The following COL22A1 variants were observed in gnomAD, a reference collection of about 807,000 sequenced individuals.
COL22A1 encodes the protein collagen type XXII alpha 1 chain, also known as collagen alpha-1(XXII) chain.
COL22A1 carries 221 observed loss-of-function variants against 248.9 expected under a neutral mutation model. The observed-to-expected ratio is 0.89, with a 90% CI of 0.80 to 0.99. COL22A1 has a LOEUF of 0.99. Among genes scored for constraint, COL22A1 ranks in the 50% least tolerant of loss-of-function variants. COL22A1 has a pLI of 0.00. For missense variants in COL22A1, 2,240 were observed against 2,179.0 expected, an observed-to-expected ratio of 1.03 and a Z score of -0.56; for synonymous variants, 891 against 793.4, an observed-to-expected ratio of 1.12 and a Z score of -2.07.
intron 30 of COL22A1, among the ~76,000 whole-genome samples, chr8:138,713,624 A>T (rs548010021): frequency 1.4e-4 from 22 of 152,058 alleles, no homozygotes; most frequent in Non-Finnish European, 2.4e-4. Context: ...CCAGTGGACA[A>T]ATTCTGACCA....
intron 55 of COL22A1, 76 bp downstream of exon 55, chr8:138,615,925 C>A: frequency 2.9e-6 from 3 of 1,036,420 alleles, no homozygotes; most frequent in Non-Finnish European, 4.5e-6. Context: ...CATTGTGGGG[C>A]AGTTTCTGGG....
At chr8:138,595,743 C>T (rs1019638607) in intron 62 of COL22A1, among the ~76,000 whole-genome samples, 1 of 152,192 alleles carries the variant, frequency 6.6e-6, no homozygotes, top group Non-Finnish European at 1.5e-5. Context: ...TCCTTGCTCC[C>T]AGCACAGACT....
intron 56 of COL22A1, among the ~76,000 whole-genome samples, chr8:138,613,014 C>T (rs867930897): frequency 4.2e-5 from 6 of 143,650 alleles, no homozygotes; most frequent in South Asian, 2.2e-4. Flanking sequence ...TTTGGGAGGG[C>T]GAGGCGGGCA....
chr8:138,609,374 C>T lies in COL22A1; in HGVS notation c.3979-1385G>A, dbSNP rs1016324114. Among the ~76,000 whole-genome samples the T allele has an allele frequency of 5.9e-5, 9 of 152,290 alleles. No homozygotes were observed. In the Middle Eastern group the frequency reaches 0.01, roughly 174 times the overall value. On this transcript the variant is annotated intron_variant, in intron 56 of 64. Coordinates refer to ENST00000303045, the MANE Select transcript of COL22A1 (RefSeq NM_152888.3). ...GGTCAGCGATCATAAATACAGCTTC[C>T]ACCTTGAGCCTTCAAAGCACATGCA...
intron 1 of COL22A1, among the ~76,000 whole-genome samples, chr8:138,901,472 T>A (rs947161400): frequency 6.7e-6 from 1 of 149,560 alleles, no homozygotes; most frequent in Non-Finnish European, 1.5e-5. Flanking sequence ...GCTCTGGTGA[T>A]CCTCCCACCT....
At position 138,646,697 on chromosome 8, in the gene COL22A1, C is replaced by T. The variant is rs1822233172; in HGVS notation, c.3448-15G>A. Reference sequence around the variant, plus strand: ...CCAGCCTCTCCCTGTATCAGGGATACAAGAAAAAAAAAGAAAACAAGAATG... The same window carrying T: ...CCAGCCTCTCCCTGTATCAGGGATATAAGAAAAAAAAAGAAAACAAGAATG... On this transcript the variant is annotated splice_polypyrimidine_tract_variant and intron_variant, in intron 46 of 64. Coordinates refer to ENST00000303045, the MANE Select transcript of COL22A1 (RefSeq NM_152888.3). 1.3e-6 allele frequency: 2 copies of T among 1,541,920 alleles called. No homozygotes were observed. The highest frequency in any genetic ancestry group is 1.4e-5 in the African/African-American group (1 of 72,236).
At chr8:138,865,020 G>T (rs1450820346) in intron 3 of COL22A1, among the ~76,000 whole-genome samples, 1 of 152,208 alleles carries the variant, frequency 6.6e-6, no homozygotes, top group Non-Finnish European at 1.5e-5. Context: ...GTTCACATCT[G>T]TTGTTAGATT....
chr8:138,669,949 T>C (rs28625850), intron 41 of COL22A1, among the ~76,000 whole-genome samples: 21,895 of 148,754 alleles, frequency 0.15, 2,843 homozygotes, highest in African/African-American at 0.35. Context: ...TGCAGTGGCA[T>C]GATCTTGGCT....
chr8:138,816,648 A>T (rs1212558168), intron 7 of COL22A1, among the ~76,000 whole-genome samples: 2 of 152,200 alleles, frequency 1.3e-5, no homozygotes, highest in Non-Finnish European at 2.9e-5. Flanking sequence ...ACTGAACCTC[A>T]GTTTTTCTTT....
At chr8:138,820,656 A>T (rs762738460) in intron 7 of COL22A1, among the ~76,000 whole-genome samples, 2 of 152,130 alleles carry the variant, frequency 1.3e-5, no homozygotes, top group African/African-American at 2.4e-5. Context: ...AGAAGGAAAA[A>T]ATCTGTATTT....
At chr8:138,804,949 G>A (rs111066386) in intron 10 of COL22A1, among the ~76,000 whole-genome samples, 8,046 of 142,148 alleles carry the variant, frequency 0.057, 456 homozygotes, top group African/African-American at 0.15. Context: ...GATGGTGCAT[G>A]TGTGTGATGG....
intron 22 of COL22A1, among the ~76,000 whole-genome samples, chr8:138,750,369 T>C (rs1287541817): frequency 6.6e-6 from 1 of 152,242 alleles, no homozygotes; most frequent in Non-Finnish European, 1.5e-5. Context: ...GGAGGCACAG[T>C]TCTTTGAAAA....
chr8:138,845,993 A>G (rs1470847127), intron 3 of COL22A1, among the ~76,000 whole-genome samples: 16 of 152,222 alleles, frequency 1.1e-4, no homozygotes, highest in Admixed American at 1.0e-3. Context: ...TAAGTGTCTC[A>G]GTGCAGGGAA....
At chr8:138,627,382 G>C (rs1461131172) in intron 50 of COL22A1, among the ~76,000 whole-genome samples, 1 of 152,160 alleles carries the variant, frequency 6.6e-6, no homozygotes, top group Non-Finnish European at 1.5e-5. Flanking sequence ...TGGTTTGCAT[G>C]TTGTCTATGG....
chr8:138,741,431 A>G (rs544018359), intron 22 of COL22A1, among the ~76,000 whole-genome samples: 7 of 152,342 alleles, frequency 4.6e-5, no homozygotes, highest in African/African-American at 1.7e-4. Context: ...GTTTAAATCT[A>G]AGGTACATTG....
chr8:138,699,596 T>G (rs1253434515), intron 32 of COL22A1, among the ~76,000 whole-genome samples: 2 of 151,104 alleles, frequency 1.3e-5, no homozygotes, highest in African/African-American at 4.9e-5. Flanking sequence ...CTGCCAAGTG[T>G]TTTTGTGTGT....
Position 138,678,181 on chromosome 8 carries a change from T to A in COL22A1, c.3072+1436A>T, listed in dbSNP as rs186972741. On this transcript the variant is annotated intron_variant, in intron 40 of 64. Coordinates refer to ENST00000303045, the MANE Select transcript of COL22A1 (RefSeq NM_152888.3). ...ATTCTAGATTCCAAGCCCAGAAGAT[T>A]ACTCAGTGCCCATTGTCAATACTCA... 1.2e-4 allele frequency among the ~76,000 whole-genome samples: 19 copies of A among 152,348 alleles called. No homozygotes were observed. In the East Asian group the frequency reaches 3.5e-3, roughly 28 times the overall value.
chr8:138,599,026 C>T (rs1817773157), intron 60 of COL22A1, 128 bp from the exon 61 acceptor site: 1 of 916,962 alleles, frequency 1.1e-6, no homozygotes, highest in Admixed American at 2.2e-5. Flanking sequence ...CTGGGTGGCC[C>T]ATGTGTGGCT....
At chr8:138,731,379 A>G (rs557684579) in intron 23 of COL22A1, among the ~76,000 whole-genome samples, 51 of 152,188 alleles carry the variant, frequency 3.4e-4, no homozygotes, top group Non-Finnish European at 5.0e-4. Flanking sequence ...ATGAGAGACC[A>G]TGAGACAAAT....
Sources: allele counts gnomAD v4.1 joint callset (sites outside exome capture counted in the v4.1 genomes callset), GRCh38; gene constraint gnomAD v4.1.1; transcripts MANE v1.5; gene names NCBI Gene and HGNC (gene_info 2026-07-23, HGNC 2026-07-21).